Variants in GTF2H2C observed in about 807,000 individuals in gnomAD.
GTF2H2C encodes GTF2H2 family member C.
GTF2H2C carries 5 observed loss-of-function variants against 24.8 expected under a neutral mutation model. That is an observed-to-expected ratio of 0.20 (90% CI 0.11 to 0.42). The LOEUF is 0.42. Ranked by LOEUF, GTF2H2C falls within the 20% of genes least tolerant of loss-of-function variation. GTF2H2C has a pLI of 1.00. For missense variants in GTF2H2C, 45 were observed against 169.8 expected, an observed-to-expected ratio of 0.27 and a Z score of 4.08; for synonymous variants, 14 against 52.6, an observed-to-expected ratio of 0.27 and a Z score of 3.18.
At chr5:69,564,491 T>C (rs1280902586) in intron 2 of GTF2H2C, among the ~76,000 whole-genome samples, 1 of 136,720 alleles carries the variant, frequency 7.3e-6, no homozygotes, top group Admixed American at 7.7e-5. Context: ...AGAATGGATA[T>C]TATTAAAAAG....
intron 16 of GTF2H2C, among the ~76,000 whole-genome samples, chr5:69,591,458 CTTT>C (rs779304542): frequency 7.3e-6 from 1 of 136,832 alleles, no homozygotes; most frequent in Non-Finnish European, 1.6e-5. Context: ...TTTATTCATT[CTTT>C]TTTTTTTTTT....
chr5:69,569,680 A>G (rs1261049230), intron 8 of GTF2H2C: 2 of 78,598 alleles, frequency 2.5e-5, no homozygotes, highest in African/African-American at 6.0e-5. Context: ...GCAGTTTTCT[A>G]TTGCTTCTTT....
At chr5:69,563,208 G>GCTT (rs1770496032) in intron 2 of GTF2H2C, among the ~76,000 whole-genome samples, 1 of 107,312 alleles carries the variant, frequency 9.3e-6, no homozygotes, top group African/African-American at 4.4e-5. Context: ...ACCCGGCCTG[G>GCTT]TTTTTTTTTT....
At chr5:69,565,015 A>G in intron 2 of GTF2H2C, 85 bp from the exon 3 acceptor site, 1 of 1,026,858 alleles carries the variant, frequency 9.7e-7, no homozygotes, top group South Asian at 1.6e-5. Context: ...TTTTTACTTT[A>G]TATATGTGTC....
chr5:69,566,232 T>C (rs1460186007), intron 4 of GTF2H2C, 24 bp downstream of exon 4: 3 of 1,609,218 alleles, frequency 1.9e-6, no homozygotes, highest in African/African-American at 1.3e-5. Context: ...CTACGTATCT[T>C]AAAAAGGTAA....
intron 4 of GTF2H2C, 39 bp downstream of exon 4, chr5:69,566,247 T>C: frequency 6.2e-7 from 1 of 1,604,206 alleles, no homozygotes; most frequent in Non-Finnish European, 8.5e-7. Flanking sequence ...AGGTAAAATA[T>C]ATTCATTTTA....
intron 16 of GTF2H2C, among the ~76,000 whole-genome samples, chr5:69,591,630 C>T (rs1204644914): frequency 6.8e-6 from 1 of 147,562 alleles, no homozygotes; most frequent in African/African-American, 2.5e-5. Context: ...TGTCATTTGA[C>T]ATATTTTTTT....
At chr5:69,589,875 CTT>C (rs1160077149) in intron 15 of GTF2H2C, among the ~76,000 whole-genome samples, 7 of 60,350 alleles carry the variant, frequency 1.2e-4, no homozygotes, top group South Asian at 9.0e-4. Flanking sequence ...TATTGCTATT[CTT>C]TTTTTTTTTT....
rs1377324464 is a variant in GTF2H2C at position 69,560,234 on chromosome 5, G to C, written c.-301G>C. ...GAGTTTCCGGCTGAGAGTCCTTCTA[G>C]CGGCGCCGGTGAGTCCGCGTGTGGA... On this transcript the variant is annotated 5_prime_UTR_variant, in exon 1 of 17. Coordinates refer to ENST00000380729, the MANE Select transcript of GTF2H2C (RefSeq NM_001376000.2). The C allele has an allele frequency of 6.6e-6, 1 of 152,300 alleles. No homozygotes were observed. Among genetic ancestry groups the C allele is most frequent in the Non-Finnish European group, 1.5e-5 (1 of 68,148 alleles). The allele number at this position is 152,300 out of a possible 1,614,324, so 9.4% of individuals were successfully genotyped here. A position where few individuals can be genotyped will look rare whatever the true frequency, so the allele number is the denominator to read the frequency against.
chr5:69,593,888 A>G lies in GTF2H2C; in HGVS notation c.*1690A>G, dbSNP rs1286760995. On this transcript the variant is annotated 3_prime_UTR_variant, in exon 17 of 17. Coordinates refer to ENST00000380729, the MANE Select transcript of GTF2H2C (RefSeq NM_001376000.2). The stretch of plus-strand genomic sequence containing the variant: ...GAGGCGGAGCTTGCAGTGAACCGAG[A>G]TCGCTCCACTGCACTCCAGCCTGGG... 1.2e-4 allele frequency: 2 copies of G among 16,744 alleles called. No homozygotes were observed. The highest frequency in any genetic ancestry group is 9.2e-4 in the Admixed American group (1 of 1,088). 1.0% of individuals were successfully genotyped at this position (16,744 alleles called of 1,614,324 possible). A position where few individuals can be genotyped will look rare whatever the true frequency, so the allele number is the denominator to read the frequency against.
chr5:69,581,760 CAT>C (rs1771613971), intron 12 of GTF2H2C, among the ~76,000 whole-genome samples: 1 of 35,456 alleles, frequency 2.8e-5, no homozygotes, highest in African/African-American at 1.1e-4. Context: ...TTTTCCTGAA[CAT>C]GTTTTCAGAA....
chr5:69,579,705 A>T (rs1771434984), intron 11 of GTF2H2C, 52 bp from the exon 12 acceptor site: 1 of 1,511,316 alleles, frequency 6.6e-7, no homozygotes, highest in African/African-American at 1.5e-5. Context: ...CATAGAACGT[A>T]CAGTTCGTTA....
chr5:69,594,436 T>TACACACACACACACACACACAC lies in GTF2H2C; in HGVS notation c.*2259_*2280dup, dbSNP rs67773295. 1.4e-5 allele frequency: 2 copies of TACACACACACACACACACACAC among 145,396 alleles called. No individual in the cohort carries two copies. The highest frequency in any genetic ancestry group is 2.5e-5 in the African/African-American group (1 of 39,784). The allele number at this position is 145,396 out of a possible 1,614,324, so 9.0% of individuals were successfully genotyped here. A position where few individuals can be genotyped will look rare whatever the true frequency, so the allele number is the denominator to read the frequency against. On this transcript the variant is annotated 3_prime_UTR_variant, in exon 17 of 17. Coordinates refer to ENST00000380729, the MANE Select transcript of GTF2H2C (RefSeq NM_001376000.2). The stretch of plus-strand genomic sequence containing the variant: ...GGAGCCCAGGAATATTCATTTTTAA[T>TACACACACACACACACACACAC]ACACACACACACACACACACACACA...
At position 69,577,879 on chromosome 5, in the gene GTF2H2C, C is replaced by T. The variant is rs546616910; in HGVS notation, c.471-833C>T. The T allele has an allele frequency of 3.2e-4, 28 of 86,820 alleles. 2 individuals carry two copies. The highest frequency in any genetic ancestry group is 8.2e-4 in the South Asian group (9 of 11,014). The allele number at this position is 86,820 out of a possible 1,614,324, so 5.4% of individuals were successfully genotyped here. ...TGAATCCTGGGAATTCGATCAACCACGCATCAAAAATTTTTGGAAAAAAAT... is the reference window on the plus strand; with the variant it reads ...TGAATCCTGGGAATTCGATCAACCATGCATCAAAAATTTTTGGAAAAAAAT... On this transcript the variant is annotated intron_variant, in intron 9 of 16. Transcript: ENST00000380729.
rs1353007613 is a variant in GTF2H2C, at chr5:69,579,758, CACG to C, written c.652_654del (p.Thr218del). Reference sequence around the variant, plus strand: ...TTTTTTCCCTTTTCATCTTGTTAGGCACGTACCATGTTATTTTAGATGAAAGCC... The same window carrying C: ...TTTTTTCCCTTTTCATCTTGTTAGGCTACCATGTTATTTTAGATGAAAGCC... On this transcript the variant is annotated inframe_deletion and splice_region_variant, in exon 12 of 17. Coordinates refer to ENST00000380729, the MANE Select transcript of GTF2H2C (RefSeq NM_001376000.2). The C allele has an allele frequency of 6.2e-7, 1 of 1,602,756 alleles. No homozygotes were observed. The highest frequency in any genetic ancestry group is 2.3e-5 in the East Asian group (1 of 44,362).
chr5:69,573,181 C>T (rs1456346252), intron 9 of GTF2H2C, among the ~76,000 whole-genome samples: 1 of 144,476 alleles, frequency 6.9e-6, no homozygotes, highest in Non-Finnish European at 1.5e-5. Flanking sequence ...CACACACACA[C>T]ACGTATATAT....
At chr5:69,591,473 T>A (rs865795389) in intron 16 of GTF2H2C, among the ~76,000 whole-genome samples, 23 of 150,746 alleles carry the variant, frequency 1.5e-4, no homozygotes, top group Middle Eastern at 6.8e-3. Flanking sequence ...TTTTTTTTTT[T>A]ATTCAAAGCC....
chr5:69,566,300 T>A, intron 4 of GTF2H2C, 92 bp downstream of exon 4: 1 of 1,507,512 alleles, frequency 6.6e-7, no homozygotes, highest in South Asian at 1.2e-5. Context: ...TCATTTTAGC[T>A]GTGTTTCAGG....
intron 15 of GTF2H2C, among the ~76,000 whole-genome samples, chr5:69,589,762 C>G (rs1771887649): frequency 5.9e-5 from 3 of 50,998 alleles, no homozygotes; most frequent in Non-Finnish European, 1.1e-4. Context: ...GACTCGAAAA[C>G]AAAGAAAAAT....
Sources: allele counts gnomAD v4.1 joint callset (sites outside exome capture counted in the v4.1 genomes callset), GRCh38; gene constraint gnomAD v4.1.1; transcripts MANE v1.5; gene names NCBI Gene and HGNC (gene_info 2026-07-23, HGNC 2026-07-21).